OAF: variants seen among roughly 807,000 people sequenced by gnomAD.
The protein encoded by OAF is out at first homolog, also known as out at first protein homolog.
OAF carries 13 observed loss-of-function variants against 22.5 expected under a neutral mutation model. The ratio of observed to expected loss-of-function variants is 0.58; its 90% confidence interval spans 0.38 to 0.92. OAF has a LOEUF of 0.92. OAF is among the 40% of genes least tolerant of loss of function. The pLI, the probability that OAF is intolerant of heterozygous loss-of-function variation, is 0.00. For synonymous variants in OAF, 175 were observed against 170.5 expected (o/e 1.03, Z -0.21); for missense variants, 347 against 381.8 (o/e 0.91, Z 0.76).
intron 3 of OAF, 130 bp downstream of exon 3, chr11:120,227,126 C>T: frequency 1.6e-6 from 1 of 612,928 alleles, no homozygotes; most frequent in South Asian, 2.4e-5. Context: ...CATCATTAGC[C>T]TTTCCTTTGT....
intron 1 of OAF, among the ~76,000 whole-genome samples, chr11:120,211,851 GCTGTGGGCTCTCA>G (rs1938153545): frequency 6.6e-6 from 1 of 152,150 alleles, no homozygotes; most frequent in African/African-American, 2.4e-5. Context: ...AAGTGTTCTC[GCTGTGGGCTCTCA>G]CTGTGGGTTC....
At chr11:120,219,157 G>A (rs866999257) in intron 1 of OAF, among the ~76,000 whole-genome samples, 9 of 152,144 alleles carry the variant, frequency 5.9e-5, no homozygotes, top group Middle Eastern at 3.4e-3. Context: ...GTGATGAGAC[G>A]GTGGGGAGCC....
intron 1 of OAF, among the ~76,000 whole-genome samples, chr11:120,223,313 C>G (rs887562422): frequency 1.3e-5 from 2 of 152,196 alleles, no homozygotes; most frequent in African/African-American, 4.8e-5. Flanking sequence ...GCTATGTTTC[C>G]TCTTAGTCCA....
In OAF at chr11:120,229,198, T is replaced by G; in HGVS notation, c.*56T>G. Reference sequence around the variant, plus strand: ...GGGCCCACTGCTCTTCACCAGCCACTAGAGGGGGTGGCAACCCCCACCTGA... The same window carrying G: ...GGGCCCACTGCTCTTCACCAGCCACGAGAGGGGGTGGCAACCCCCACCTGA... On this transcript the variant is annotated 3_prime_UTR_variant, in exon 4 of 4. Coordinates refer to ENST00000328965, the MANE Select transcript of OAF (RefSeq NM_178507.4). 6.5e-7 allele frequency: 1 copy of G among 1,537,492 alleles called. No individual in the cohort carries two copies. Among genetic ancestry groups the G allele is most frequent in the Non-Finnish European group, 8.9e-7 (1 of 1,123,638 alleles).
chr11:120,227,541 GAT>G (rs930702779), intron 3 of OAF, among the ~76,000 whole-genome samples: 1 of 152,130 alleles, frequency 6.6e-6, no homozygotes, highest in African/African-American at 2.4e-5. Flanking sequence ...ACACCTCTCA[GAT>G]ATCAGCTTCA....
At chr11:120,211,821 T>C (rs965940965) in intron 1 of OAF, among the ~76,000 whole-genome samples, 8 of 152,328 alleles carry the variant, frequency 5.3e-5, no homozygotes, top group African/African-American at 1.9e-4. Context: ...CCCTGTGCTC[T>C]AGTGGGAAAG....
chr11:120,219,480 C>T (rs997510119), intron 1 of OAF, among the ~76,000 whole-genome samples: 10 of 152,146 alleles, frequency 6.6e-5, no homozygotes, highest in African/African-American at 1.7e-4. Flanking sequence ...GTGACAGCCC[C>T]GCTATCCCCT....
chr11:120,216,129 T>C (rs1302659804), intron 1 of OAF, among the ~76,000 whole-genome samples: 1 of 151,912 alleles, frequency 6.6e-6, no homozygotes, highest in African/African-American at 2.4e-5. Flanking sequence ...GATGAGTGAG[T>C]GGGAGCCAGA....
Position 120,229,377 on chromosome 11 carries a change from AGAGAAGGGCTCC to A in OAF, c.*236_*247del. The stretch of plus-strand genomic sequence containing the variant: ...GTGCCTTCCTTGCGGGCAGAGAGGG[AGAGAAGGGCTCC>A]CCAGATCTACACCCCTCCCTCCTGC... On this transcript the variant is annotated 3_prime_UTR_variant, in exon 4 of 4. Coordinates refer to ENST00000328965, the MANE Select transcript of OAF (RefSeq NM_178507.4). The A allele has an allele frequency of 1.9e-6, 1 of 533,202 alleles. No homozygotes were observed. Among genetic ancestry groups the A allele is most frequent in the Non-Finnish European group, 3.4e-6 (1 of 295,160 alleles). The allele number at this position is 533,202 out of a possible 1,614,324, so 33.0% of individuals were successfully genotyped here.
In OAF at chr11:120,228,901, A is replaced by G. The variant is rs1437674138; in HGVS notation, c.581A>G (p.Lys194Arg). ...VDSSVFEALPKASEQAELPRC... is the reference protein window; with the variant it reads ...VDSSVFEALPRASEQAELPRC... ...AGTTCTGTGTTCGAGGCTCTGCCCA[A>G]GGCCTCAGAGCAGGCGGAGCTGCCT... The change falls in exon 4 of 4, where the codon AAG (lysine) becomes AGG (arginine). Residue 194 changes from lysine to arginine, a missense_variant. Coordinates refer to ENST00000328965, the MANE Select transcript of OAF (RefSeq NM_178507.4). The G allele has an allele frequency of 1.5e-6, 2 of 1,374,682 alleles. No homozygotes were observed. Among genetic ancestry groups the G allele is most frequent in the East Asian group, 8.8e-5 (2 of 22,744 alleles). 85.2% of individuals were successfully genotyped at this position (1,374,682 alleles called of 1,614,324 possible).
intron 1 of OAF, among the ~76,000 whole-genome samples, chr11:120,218,977 G>A (rs371201019): frequency 6.8e-4 from 102 of 150,166 alleles, no homozygotes; most frequent in African/African-American, 2.3e-3. Flanking sequence ...GCACATGCAC[G>A]CATGTACACG....
chr11:120,226,354 G>A (rs1445099169), intron 2 of OAF, among the ~76,000 whole-genome samples: 1 of 152,256 alleles, frequency 6.6e-6, no homozygotes, highest in East Asian at 1.9e-4. Context: ...TAGACCCAGG[G>A]CCTTGCCCCA....
intron 1 of OAF, among the ~76,000 whole-genome samples, chr11:120,212,509 A>C (rs112441768): frequency 6.6e-6 from 1 of 151,872 alleles, no homozygotes; most frequent in African/African-American, 2.4e-5. Context: ...TCCTTCCCCC[A>C]GCTAAAGAGA....
At position 120,211,270 on chromosome 11, in the gene OAF, G is replaced by C. The variant is rs998756761; in HGVS notation, c.-10G>C. On this transcript the variant is annotated 5_prime_UTR_variant, in exon 1 of 4. Transcript: ENST00000328965. ...CGCGCCGGGGCCGCGGACGGCAGCG[G>C]CCCCCGGGGATGCGCCTTCCCGGGG... 3 of 1,214,464 alleles carry C rather than the reference G, an allele frequency of 2.5e-6. No homozygotes were observed. Among genetic ancestry groups the C allele is most frequent in the African/African-American group, 3.2e-5 (2 of 63,072 alleles). The allele number at this position is 1,214,464 out of a possible 1,614,324, so 75.2% of individuals were successfully genotyped here.
chr11:120,215,374 G>A (rs1331237950), intron 1 of OAF, among the ~76,000 whole-genome samples: 2 of 152,078 alleles, frequency 1.3e-5, no homozygotes, highest in African/African-American at 4.8e-5. Context: ...GCAAAGTTTG[G>A]GAACCACTGG....
intron 1 of OAF, among the ~76,000 whole-genome samples, chr11:120,214,965 G>A (rs1484081893): frequency 1.3e-5 from 2 of 152,224 alleles, no homozygotes; most frequent in Non-Finnish European, 2.9e-5. Flanking sequence ...AATCACCTGG[G>A]GAGCTTTGAA....
Position 120,212,560 on chromosome 11 carries a change from A to G in OAF, c.231+1050A>G, listed in dbSNP as rs193256228. The stretch of plus-strand genomic sequence containing the variant: ...TGTCCCTGGGGGAGTGCAGGGGTGA[A>G]GCCGATTAGATAGCTGGGGGAGCCC... On this transcript the variant is annotated intron_variant, in intron 1 of 3. Transcript: ENST00000328965. Among the ~76,000 whole-genome samples the G allele has an allele frequency of 4.6e-5, 7 of 151,302 alleles. No homozygotes were observed. In the East Asian group the frequency reaches 1.4e-3, roughly 30 times the overall value.
Position 120,229,140 on chromosome 11 carries a change from T to G in OAF, c.820T>G (p.Ter274GluextTer27). ...CTGGGATGAGGATCCCTACCCAGGC[T>G]AGGGTGGGAGCAACCTGGCGGGTGG... The part of the protein sequence containing the change: ...CLWDEDPYPG[*>E] Residue 274 changes from the stop codon to glutamate (E), a stop_lost, in exon 4 of 4, where the codon TAG becomes GAG. Coordinates refer to ENST00000328965, the MANE Select transcript of OAF (RefSeq NM_178507.4). The G allele has an allele frequency of 6.2e-7, 1 of 1,608,754 alleles. No homozygotes were observed. The highest frequency in any genetic ancestry group is 8.5e-7 in the Non-Finnish European group (1 of 1,176,564).
chr11:120,229,217 C>CTCT lies in OAF; in HGVS notation c.*75_*76insTCT. ...AGCCACTAGAGGGGGTGGCAACCCC[C>CTCT]ACCTGAGGCCTTATTTCCCTCCCTC... On this transcript the variant is annotated 3_prime_UTR_variant, in exon 4 of 4. Transcript: ENST00000328965. 2.2e-6 allele frequency: 3 copies of CTCT among 1,363,104 alleles called. No homozygotes were observed. The highest frequency in any genetic ancestry group is 1.3e-5 in the South Asian group (1 of 77,906). 84.4% of individuals were successfully genotyped at this position (1,363,104 alleles called of 1,614,324 possible).
Sources: gnomAD v4.1 joint callset for allele counts (sites outside exome capture counted in the v4.1 genomes callset) on GRCh38, gnomAD v4.1.1 for gene constraint, MANE v1.5 for transcripts, NCBI Gene and HGNC (gene_info 2026-07-23, HGNC 2026-07-21) for gene names.